Variants in KCNIP4 observed in about 807,000 individuals in gnomAD.
KCNIP4 encodes potassium voltage-gated channel interacting protein 4, also known as Kv channel-interacting protein 4.
A neutral mutation model predicts 34.0 loss-of-function variants in KCNIP4; 12 were observed. The ratio of observed to expected loss-of-function variants is 0.35; its 90% CI spans 0.23 to 0.57. KCNIP4 has a LOEUF of 0.57. KCNIP4 is among the 20% of genes least tolerant of loss of function. The pLI, the probability that KCNIP4 is intolerant of heterozygous loss-of-function variation, is 0.83. For synonymous variants in KCNIP4, 124 were observed against 102.2 expected, an observed-to-expected ratio of 1.21 and a Z score of -1.29; for missense variants, 238 against 311.7, an observed-to-expected ratio of 0.76 and a Z score of 1.78.
At chr4:21,141,912 G>A (rs1436163118) in intron 1 of KCNIP4, among the ~76,000 whole-genome samples, 1 of 151,620 alleles carries the variant, frequency 6.6e-6, no homozygotes, top group Non-Finnish European at 1.5e-5. Flanking sequence ...AGCACTTTGG[G>A]AGGCCGAGGT....
At chr4:21,730,554 G>C (rs1715512709) in intron 1 of KCNIP4, among the ~76,000 whole-genome samples, 1 of 152,074 alleles carries the variant, frequency 6.6e-6, no homozygotes, top group Non-Finnish European at 1.5e-5. Context: ...GTCTTTGCAA[G>C]GAAGGCTACG....
chr4:21,695,039 T>C (rs1047927641), intron 1 of KCNIP4, among the ~76,000 whole-genome samples: 1 of 152,020 alleles, frequency 6.6e-6, no homozygotes, highest in Non-Finnish European at 1.5e-5. Flanking sequence ...ACATGCTGAT[T>C]GCTCAGGATA....
intron 1 of KCNIP4, among the ~76,000 whole-genome samples, chr4:21,729,117 C>T (rs1223440969): frequency 6.6e-6 from 1 of 152,124 alleles, no homozygotes; most frequent in Admixed American, 6.6e-5. Flanking sequence ...GTGCTAAGTG[C>T]TTAAATCTGA....
chr4:20,871,497 G>A (rs1016482158), intron 2 of KCNIP4, among the ~76,000 whole-genome samples: 1 of 152,186 alleles, frequency 6.6e-6, no homozygotes, highest in Admixed American at 6.5e-5. Context: ...GGGAGTGGCA[G>A]GGACTCCAGA....
At chr4:21,043,585 C>G (rs189606444) in intron 1 of KCNIP4, among the ~76,000 whole-genome samples, 1 of 151,932 alleles carries the variant, frequency 6.6e-6, no homozygotes, top group Admixed American at 6.6e-5. Flanking sequence ...GTGATCCACC[C>G]GCCTTGGCCT....
chr4:21,674,584 T>C, intron 1 of KCNIP4, among the ~76,000 whole-genome samples: 1 of 152,208 alleles, frequency 6.6e-6, no homozygotes, highest in East Asian at 1.9e-4. Flanking sequence ...AACTGTAACC[T>C]CTCTCATTGT....
intron 1 of KCNIP4, among the ~76,000 whole-genome samples, chr4:21,302,484 A>T (rs1156623841): frequency 2.0e-5 from 3 of 152,242 alleles, no homozygotes; most frequent in Admixed American, 6.5e-5. Context: ...CAACTAAAAT[A>T]ACACACACAA....
chr4:21,574,793 T>G (rs1384322744), intron 1 of KCNIP4, among the ~76,000 whole-genome samples: 1 of 152,176 alleles, frequency 6.6e-6, no homozygotes, highest in African/African-American at 2.4e-5. Context: ...TTATGCCTAG[T>G]CTCTCTACTA....
intron 3 of KCNIP4, among the ~76,000 whole-genome samples, chr4:20,823,015 G>A (rs188414736): frequency 4.6e-5 from 7 of 152,168 alleles, no homozygotes; most frequent in Non-Finnish European, 8.8e-5. Context: ...AGAGAGCAGC[G>A]TTCACCAGAC....
intron 1 of KCNIP4, among the ~76,000 whole-genome samples, chr4:21,597,724 AG>A (rs1560547853): frequency 6.6e-6 from 1 of 152,152 alleles, no homozygotes; most frequent in Admixed American, 6.6e-5. Flanking sequence ...CCAAAATTAC[AG>A]GATTTAGGAC....
At chr4:21,844,717 T>C (rs1221501507) in intron 1 of KCNIP4, 1 of 152,096 alleles carries the variant, frequency 6.6e-6, no homozygotes, top group Admixed American at 6.6e-5. Context: ...AATATGTCCC[T>C]GCTTTATCTT....
chr4:21,939,883 A>G (rs1297153925), intron 1 of KCNIP4, among the ~76,000 whole-genome samples: 3 of 152,180 alleles, frequency 2.0e-5, no homozygotes, highest in African/African-American at 7.2e-5. Context: ...ATATCCCTAA[A>G]ATAAGTGATT....
chr4:20,937,222 CTTTTTTTTTTTTTTTTTT>C (rs397992488), intron 1 of KCNIP4, among the ~76,000 whole-genome samples: 3 of 45,524 alleles, frequency 6.6e-5, no homozygotes, highest in South Asian at 1.9e-3. Flanking sequence ...CCCAAGGAGT[CTTTTTTTTTTTTTTTTTT>C]TTTTTTTTTT....
At chr4:21,535,711 A>G (rs997949888) in intron 1 of KCNIP4, among the ~76,000 whole-genome samples, 34 of 152,176 alleles carry the variant, frequency 2.2e-4, no homozygotes, top group African/African-American at 8.0e-4. Context: ...TGGAGAAATG[A>G]AATGTGCTCC....
At chr4:21,341,561 C>T (rs556072630) in intron 1 of KCNIP4, among the ~76,000 whole-genome samples, 1 of 128,400 alleles carries the variant, frequency 7.8e-6, no homozygotes, top group South Asian at 2.5e-4. Context: ...CTTTCATTAA[C>T]AATTCTTATT....
chr4:21,946,484 C>T (rs1342038387), intron 1 of KCNIP4, among the ~76,000 whole-genome samples: 2 of 152,074 alleles, frequency 1.3e-5, no homozygotes. Flanking sequence ...AGAGTTTAAG[C>T]CTTTAAAAAT....
intron 1 of KCNIP4, among the ~76,000 whole-genome samples, chr4:21,652,856 CAAG>C (rs1183699083): frequency 1.3e-5 from 2 of 152,116 alleles, no homozygotes; most frequent in Non-Finnish European, 2.9e-5. Context: ...AGGAAGCAAA[CAAG>C]GAGAATAATG....
intron 1 of KCNIP4, among the ~76,000 whole-genome samples, chr4:21,267,448 C>A (rs1761882718): frequency 6.6e-6 from 1 of 151,352 alleles, no homozygotes; most frequent in Non-Finnish European, 1.5e-5. Context: ...GGAATGCTTC[C>A]AGTTTTTGCC....
chr4:21,125,624 C>T (rs915976016), intron 1 of KCNIP4, among the ~76,000 whole-genome samples: 4 of 151,982 alleles, frequency 2.6e-5, no homozygotes, highest in East Asian at 1.9e-4. Context: ...CTCAGGTGAC[C>T]GCACGTTGGG....
Sources: gnomAD v4.1 joint callset for allele counts (sites outside exome capture counted in the v4.1 genomes callset) on GRCh38, gnomAD v4.1.1 for gene constraint, MANE v1.5 for transcripts, NCBI Gene and HGNC (gene_info 2026-07-23, HGNC 2026-07-21) for gene names.